PCDH9: variants seen among roughly 807,000 people sequenced by gnomAD.
PCDH9 encodes protocadherin 9, also known as protocadherin-9.
PCDH9 carries 24 observed loss-of-function variants against 70.6 expected under a neutral mutation model. The ratio of observed to expected loss-of-function variants is 0.34; its 90% confidence interval spans 0.25 to 0.48. PCDH9 has a LOEUF of 0.48. PCDH9 is among the 20% of genes least tolerant of loss of function. The pLI, the probability that PCDH9 is intolerant of heterozygous loss-of-function variation, is 0.99. For synonymous variants in PCDH9, 562 were observed against 558.5 expected, an observed-to-expected ratio of 1.01 and a Z score of -0.09; for missense variants, 1,281 against 1,503.6, an observed-to-expected ratio of 0.85 and a Z score of 2.45.
intron 2 of PCDH9, among the ~76,000 whole-genome samples, chr13:67,115,309 T>C (rs1193713990): frequency 6.6e-6 from 1 of 152,186 alleles, no homozygotes; most frequent in Admixed American, 6.5e-5. Flanking sequence ...CATATCTTTG[T>C]GAACAGCAGG....
At chr13:66,331,630 G>A (rs1955942533) in intron 4 of PCDH9, among the ~76,000 whole-genome samples, 2 of 152,090 alleles carry the variant, frequency 1.3e-5, no homozygotes, top group South Asian at 2.1e-4. Flanking sequence ...ATTAGCAGAA[G>A]GTTTATTTTT....
intron 3 of PCDH9, among the ~76,000 whole-genome samples, chr13:66,893,488 A>G (rs773890498): frequency 3.3e-5 from 5 of 152,168 alleles, no homozygotes; most frequent in Non-Finnish European, 7.4e-5. Context: ...CACTTATTCA[A>G]CCATAAATAA....
intron 2 of PCDH9, among the ~76,000 whole-genome samples, chr13:67,018,826 T>C (rs1022449406): frequency 6.6e-6 from 1 of 152,160 alleles, no homozygotes; most frequent in Non-Finnish European, 1.5e-5. Flanking sequence ...TTACATTTTC[T>C]TTCTGAAATT....
chr13:66,670,224 T>C (rs1198336563), intron 3 of PCDH9, among the ~76,000 whole-genome samples: 5 of 152,166 alleles, frequency 3.3e-5, no homozygotes, highest in Non-Finnish European at 5.9e-5. Flanking sequence ...CCTAATAGAA[T>C]TCTGCAACAT....
intron 4 of PCDH9, among the ~76,000 whole-genome samples, chr13:66,600,716 A>G (rs1393368887): frequency 6.8e-6 from 1 of 146,832 alleles, no homozygotes; most frequent in East Asian, 1.9e-4. Flanking sequence ...TTTCTTATGT[A>G]TTCATAAAAA....
chr13:66,864,372 T>TG (rs553399946), intron 3 of PCDH9, among the ~76,000 whole-genome samples: 3 of 151,682 alleles, frequency 2.0e-5, no homozygotes, highest in Non-Finnish European at 4.4e-5. Context: ...AAAAGGGGGG[T>TG]GGGGGGCGTG....
intron 2 of PCDH9, among the ~76,000 whole-genome samples, chr13:67,136,824 G>A (rs2087243696): frequency 6.6e-6 from 1 of 151,842 alleles, no homozygotes; most frequent in South Asian, 2.1e-4. Flanking sequence ...CAATCACTTG[G>A]ACATTAATTT....
At chr13:67,141,080 T>G (rs1015899974) in intron 2 of PCDH9, among the ~76,000 whole-genome samples, 1 of 151,938 alleles carries the variant, frequency 6.6e-6, no homozygotes, top group African/African-American at 2.4e-5. Context: ...GAAAAGAAAA[T>G]AAAAATATGT....
chr13:66,609,753 A>C (rs2077267580), intron 4 of PCDH9, among the ~76,000 whole-genome samples: 1 of 152,156 alleles, frequency 6.6e-6, no homozygotes, highest in Non-Finnish European at 1.5e-5. Context: ...AAAGTAAATC[A>C]AATATCTGAA....
At chr13:67,021,031 C>T (rs2139860450) in intron 2 of PCDH9, among the ~76,000 whole-genome samples, 1 of 152,244 alleles carries the variant, frequency 6.6e-6, no homozygotes, top group East Asian at 1.9e-4. Context: ...TATAATTTGG[C>T]ATTTCTATTG....
intron 4 of PCDH9, among the ~76,000 whole-genome samples, chr13:66,512,035 G>A (rs1472283515): frequency 6.6e-6 from 1 of 152,062 alleles, no homozygotes. Flanking sequence ...TTAGAGATAG[G>A]TTTATCATGA....
At chr13:66,534,914 C>G (rs1003416909) in intron 4 of PCDH9, among the ~76,000 whole-genome samples, 4 of 151,980 alleles carry the variant, frequency 2.6e-5, no homozygotes, top group African/African-American at 9.7e-5. Flanking sequence ...GTTATTAATA[C>G]CTGGCAGGCA....
intron 4 of PCDH9, among the ~76,000 whole-genome samples, chr13:66,440,017 A>G (rs563318969): frequency 1.3e-5 from 2 of 152,322 alleles, no homozygotes; most frequent in East Asian, 1.9e-4. Context: ...CTTGAACTAA[A>G]CATGCATCAC....
intron 3 of PCDH9, among the ~76,000 whole-genome samples, chr13:66,777,246 A>G (rs2079911551): frequency 6.6e-6 from 1 of 152,090 alleles, no homozygotes; most frequent in Admixed American, 6.5e-5. Flanking sequence ...TAAAACACCA[A>G]AAGTAATGGC....
chr13:66,381,433 G>T (rs937146564), intron 4 of PCDH9, among the ~76,000 whole-genome samples: 10 of 152,088 alleles, frequency 6.6e-5, no homozygotes, highest in African/African-American at 1.9e-4. Flanking sequence ...TTCCATAGAG[G>T]TTACAAATAA....
At position 66,603,065 on chromosome 13, in the gene PCDH9, C is replaced by A. The variant is rs2077182085; in HGVS notation, c.3340+28145G>T. ...ATGTTCAAACTATGACCAAAATCATCTAAGGATATGTTTCTCAGAACACAT... is the reference window on the plus strand; with the variant it reads ...ATGTTCAAACTATGACCAAAATCATATAAGGATATGTTTCTCAGAACACAT... On this transcript the variant is annotated intron_variant, in intron 4 of 4. Coordinates refer to ENST00000377865, the MANE Select transcript of PCDH9 (RefSeq NM_203487.3). Among the ~76,000 whole-genome samples the A allele has an allele frequency of 1.4e-5, 2 of 145,884 alleles. 1 individual carries two copies. The highest frequency in any genetic ancestry group is 1.4e-4 in the Admixed American group (2 of 14,436).
intron 4 of PCDH9, among the ~76,000 whole-genome samples, chr13:66,443,785 T>C (rs766653497): frequency 5.3e-5 from 8 of 152,176 alleles, no homozygotes; most frequent in Non-Finnish European, 1.0e-4. Context: ...CCTTAAAGAA[T>C]GCTATGCTTT....
intron 2 of PCDH9, among the ~76,000 whole-genome samples, chr13:67,133,575 T>C (rs925664694): frequency 2.0e-5 from 3 of 152,070 alleles, no homozygotes; most frequent in African/African-American, 7.2e-5. Context: ...ACAACCTCTT[T>C]TCATTAGTTT....
At chr13:66,908,909 T>C (rs1030801733) in intron 2 of PCDH9, among the ~76,000 whole-genome samples, 1 of 152,188 alleles carries the variant, frequency 6.6e-6, no homozygotes, top group African/African-American at 2.4e-5. Flanking sequence ...CCAAATGTTA[T>C]ATAAATGCAA....
Sources: gnomAD v4.1 joint callset for allele counts (sites outside exome capture counted in the v4.1 genomes callset) on GRCh38, gnomAD v4.1.1 for gene constraint, MANE v1.5 for transcripts, NCBI Gene and HGNC (gene_info 2026-07-23, HGNC 2026-07-21) for gene names.